The following NPR3 variants were observed in gnomAD, a reference collection of about 807,000 sequenced individuals.
NPR3 encodes atrial natriuretic peptide receptor 3.
NPR3 carries 34 observed loss-of-function variants against 54.5 expected under a neutral mutation model. The ratio of observed to expected loss-of-function variants is 0.62; its 90% CI spans 0.47 to 0.83. The LOEUF is 0.83. Among genes scored for constraint, NPR3 ranks in the 40% least tolerant of loss-of-function variants. The probability of loss-of-function intolerance (pLI) is 0.00; values close to 1 mark genes in which losing one functional copy is unlikely to be tolerated. For synonymous variants in NPR3, 289 were observed against 297.1 expected (o/e 0.97, Z 0.28); for missense variants, 674 against 720.8 (o/e 0.94, Z 0.74).
intron 3 of NPR3, among the ~76,000 whole-genome samples, chr5:32,764,168 G>T (rs931483013): frequency 1.3e-5 from 2 of 152,048 alleles, no homozygotes; most frequent in Admixed American, 6.6e-5. Context: ...TGTCTCCTTC[G>T]TGCATGTGCA....
intron 3 of NPR3, among the ~76,000 whole-genome samples, chr5:32,744,810 T>G (rs112670081): frequency 0.016 from 2,373 of 152,258 alleles, 70 homozygotes; most frequent in African/African-American, 0.054. Flanking sequence ...GCACACCTCT[T>G]GGGTTGTAAT....
At chr5:32,772,551 C>T (rs1472542337) in intron 3 of NPR3, among the ~76,000 whole-genome samples, 1 of 152,180 alleles carries the variant, frequency 6.6e-6, no homozygotes, top group East Asian at 1.9e-4. Context: ...CTGTCTAGGG[C>T]ACAAACAACA....
At position 32,784,836 on chromosome 5, in the gene NPR3, G is replaced by T. The variant is rs561967825; in HGVS notation, c.1467G>T (p.Val489=). ...AATCGGCAGTGACAGGAATTGTCGT[G>T]GGGGCTTTACTAGGAGCTGGCTTGC... ...LEESAVTGIV[V]GALLGAGLLM... Residue 489 remains valine (V), a synonymous_variant, in exon 7 of 8, where the codon GTG becomes GTT. Coordinates refer to ENST00000265074, the MANE Select transcript of NPR3 (RefSeq NM_001204375.2). 5 of 1,613,782 alleles carry T rather than the reference G, an allele frequency of 3.1e-6. No individual in the cohort carries two copies. The highest frequency in any genetic ancestry group is 2.2e-5 in the East Asian group (1 of 44,860).
chr5:32,705,994 T>C (rs1737973736), upstream of NPR3, among the ~76,000 whole-genome samples: 1 of 152,146 alleles, frequency 6.6e-6, no homozygotes, highest in Non-Finnish European at 1.5e-5. Context: ...CCCTGCCAAA[T>C]CTCATGCTGA....
At chr5:32,763,476 ATT>A (rs34351463) in intron 3 of NPR3, among the ~76,000 whole-genome samples, 32 of 133,766 alleles carry the variant, frequency 2.4e-4, no homozygotes, top group African/African-American at 3.6e-4. Context: ...CGCTCAGCTA[ATT>A]TTTTTTTTTT....
chr5:32,702,653 G>T (rs1737853774), intron 1 of NPR3, among the ~76,000 whole-genome samples: 1 of 151,948 alleles, frequency 6.6e-6, no homozygotes, highest in African/African-American at 2.4e-5. Flanking sequence ...TCTTAATCCA[G>T]TCTGTCATTG....
In NPR3 at chr5:32,713,597, T is replaced by C. The variant is rs982531859; in HGVS notation, c.769+1052T>C. On this transcript the variant is annotated intron_variant, in intron 1 of 7. Transcript: ENST00000265074. ...GTGAGTGGTGCAATCCCGGCAAAGCTCCCCGAGACCCCAGTGCCACGCGGA... is the reference window on the plus strand; with the variant it reads ...GTGAGTGGTGCAATCCCGGCAAAGCCCCCCGAGACCCCAGTGCCACGCGGA... 32 of 514,992 alleles carry C rather than the reference T, an allele frequency of 6.2e-5. No individual in the cohort carries two copies. In the African/African-American group the frequency reaches 6.2e-4, roughly 10 times the overall value. 31.9% of individuals were successfully genotyped at this position (514,992 alleles called of 1,614,324 possible). A position where few individuals can be genotyped will look rare whatever the true frequency, so the allele number is the denominator to read the frequency against.
chr5:32,724,096 A>G (rs1739009085), intron 1 of NPR3, among the ~76,000 whole-genome samples: 1 of 152,248 alleles, frequency 6.6e-6, no homozygotes, highest in South Asian at 2.1e-4. Context: ...CAGCATAATT[A>G]TGAAAAGTAA....
chr5:32,739,522 T>C (rs1425656321), intron 3 of NPR3, among the ~76,000 whole-genome samples: 1 of 152,184 alleles, frequency 6.6e-6, no homozygotes, highest in Non-Finnish European at 1.5e-5. Context: ...GATGGTGTTG[T>C]TGCCTCTTTC....
At chr5:32,709,056 CCTTA>C (rs1738076523), upstream of NPR3, among the ~76,000 whole-genome samples, 1 of 152,012 alleles carries the variant, frequency 6.6e-6, no homozygotes, top group Non-Finnish European at 1.5e-5. Flanking sequence ...GGGCACTCAC[CCTTA>C]CTTAAGCGCA....
At chr5:32,734,649 C>A (rs1366105395) in intron 2 of NPR3, among the ~76,000 whole-genome samples, 1 of 152,246 alleles carries the variant, frequency 6.6e-6, no homozygotes, top group Non-Finnish European at 1.5e-5. Flanking sequence ...ATGCTTCATG[C>A]CTCCAAAGCT....
chr5:32,766,891 C>CAAGCTGTTGT (rs1741498465), intron 3 of NPR3, among the ~76,000 whole-genome samples: 1 of 152,222 alleles, frequency 6.6e-6, no homozygotes, highest in African/African-American at 2.4e-5. Context: ...TGACCTGAGT[C>CAAGCTGTTGT]AAGCTGTTGT....
At chr5:32,761,702 T>C (rs1025291479) in intron 3 of NPR3, among the ~76,000 whole-genome samples, 3 of 151,928 alleles carry the variant, frequency 2.0e-5, no homozygotes, top group South Asian at 2.1e-4. Flanking sequence ...AGATTACTCA[T>C]ATGGTAACTC....
At position 32,783,016 on chromosome 5, in the gene NPR3, C is replaced by T; in HGVS notation, c.1414C>T (p.Pro472Ser). Residue 472 changes from proline to serine, a missense_variant, in exon 6 of 8, where the codon CCC becomes TCC. Physicochemically the swap from Pro to Ser is moderately conservative, Grantham distance 74. Transcript: ENST00000265074. ...NRIVEHTNSS[P>S]CKSSGGLEES... is the part of the protein sequence containing the mutation. ...AATTGTAGAGCATACAAACAGCTCT[C>T]CCTGCAAATCATGTAAGTCTGGAGA... 1.2e-6 allele frequency: 2 copies of T among 1,600,518 alleles called. No individual in the cohort carries two copies. The highest frequency in any genetic ancestry group is 1.7e-6 in the Non-Finnish European group (2 of 1,172,600).
At chr5:32,692,689 G>T (rs1037305076) in intron 1 of NPR3, among the ~76,000 whole-genome samples, 2 of 152,138 alleles carry the variant, frequency 1.3e-5, no homozygotes, top group Non-Finnish European at 2.9e-5. Flanking sequence ...ATAAAAAATT[G>T]TATCTCACAA....
At chr5:32,774,632 G>A (rs1429122721) in intron 3 of NPR3, 76 bp from the exon 4 acceptor site, 25 of 1,117,702 alleles carry the variant, frequency 2.2e-5, no homozygotes, top group Admixed American at 8.5e-5. Flanking sequence ...ACTTGTTAAC[G>A]CTTTGGATTG....
In NPR3 at chr5:32,774,815, A is replaced by G. The variant is rs1330732824; in HGVS notation, c.1167A>G (p.Ile389Met). ...GCAAAAAGGATGGAGGGAAAATTAT[A>G]CAGCAGACTTGGAACAGAACATTTG... ...GYSKKDGGKI[I>M]QQTWNRTFEG... Residue 389 changes from isoleucine (I) to methionine (M), a missense_variant, in exon 4 of 8, where the codon ATA becomes ATG. Coordinates refer to ENST00000265074, the MANE Select transcript of NPR3 (RefSeq NM_001204375.2). 1 of 1,611,470 alleles carries G rather than the reference A, an allele frequency of 6.2e-7. No homozygotes were observed. The highest frequency in any genetic ancestry group is 1.1e-5 in the South Asian group (1 of 91,012).
intron 7 of NPR3, among the ~76,000 whole-genome samples, chr5:32,785,138 A>ATTTT (rs11427729): frequency 5.5e-5 from 5 of 90,898 alleles, no homozygotes; most frequent in Admixed American, 1.3e-4. Flanking sequence ...TTGATCACAG[A>ATTTT]TTTTTTTTTT....
intron 5 of NPR3, among the ~76,000 whole-genome samples, chr5:32,782,447 C>G (rs1221591232): frequency 1.3e-5 from 2 of 152,072 alleles, no homozygotes; most frequent in Non-Finnish European, 2.9e-5. Flanking sequence ...ATCCGATGAA[C>G]AAAGCAAAAG....
Sources: allele counts gnomAD v4.1 joint callset (sites outside exome capture counted in the v4.1 genomes callset), GRCh38; gene constraint gnomAD v4.1.1; transcripts MANE v1.5; gene names NCBI Gene and HGNC (gene_info 2026-07-23, HGNC 2026-07-21).